The following FAM181A variants were observed in gnomAD, a reference collection of about 807,000 sequenced individuals.
The protein encoded by FAM181A is family with sequence similarity 181 member A, also known as protein FAM181A.
In FAM181A, 7 loss-of-function variants were observed where a neutral mutation model predicts 16.3. The ratio of observed to expected loss-of-function variants is 0.43; its 90% CI spans 0.24 to 0.81. The LOEUF is 0.81. FAM181A is among the 30% of genes least tolerant of loss of function. FAM181A has a pLI of 0.24. For missense variants in FAM181A, 349 were observed against 377.5 expected, an observed-to-expected ratio of 0.92 and a Z score of 0.63; for synonymous variants, 183 against 164.9, an observed-to-expected ratio of 1.11 and a Z score of -0.84.
rs1015560763 is a variant in FAM181A at position 93,921,679 on chromosome 14, G to A, written c.-225+2685G>A. Among the ~76,000 whole-genome samples, 3 of 152,176 alleles carry A rather than the reference G, an allele frequency of 2.0e-5. 1 individual carries two copies. The South Asian group carries it at 6.2e-4, about 32-fold the overall frequency. On this transcript the variant is annotated intron_variant, in intron 1 of 2. Transcript: ENST00000267594. ...CCGCGTGGCCTTTGTTATGTTCCCC[G>A]AGCTGGTGTGGTCGGTCGGGCCTAA...
In FAM181A at chr14:93,928,747, G is replaced by A. The variant is rs776709195; in HGVS notation, c.462G>A (p.Glu154=). Reference sequence around the variant, plus strand: ...CCCACAGCTACCATGTGGGGCTGGAGGGGGGACTGGGCCCCAGGGAGGGAC... The same window carrying A: ...CCCACAGCTACCATGTGGGGCTGGAAGGGGGACTGGGCCCCAGGGAGGGAC... ...RPTHSYHVGL[E]GGLGPREGPP... The change falls in exon 2 of 2, where the codon GAG becomes GAA. Residue 154 remains glutamate (E), a synonymous_variant. Transcript: ENST00000556222. 2 of 1,613,876 alleles carry A rather than the reference G, an allele frequency of 1.2e-6. No individual in the cohort carries two copies.
Position 93,928,891 on chromosome 14 carries a change from C to T in FAM181A, c.606C>T (p.Val202=). The change falls in exon 2 of 2, where the codon GTC becomes GTT. Residue 202 remains valine (V), a synonymous_variant. Coordinates refer to ENST00000556222, the MANE Select transcript of FAM181A (RefSeq NM_001207073.2). ...AEKEPLKMPG[V]SLVGRVNAWS... ...AGGAGCCGCTCAAGATGCCTGGGGT[C>T]TCCTTGGTGGGCCGCGTCAATGCCT... 2.5e-6 allele frequency: 4 copies of T among 1,614,182 alleles called. No homozygotes were observed. Among genetic ancestry groups the T allele is most frequent in the Non-Finnish European group, 3.4e-6 (4 of 1,180,022 alleles).
chr14:93,929,088 G>A lies in FAM181A; in HGVS notation c.803G>A (p.Arg268Lys). 6.5e-7 allele frequency: 1 copy of A among 1,549,492 alleles called. No homozygotes were observed. ...DVDGLGQKVC[R>K]PVVLKPIPTK... ...GACGGCCTGGGGCAGAAGGTGTGCA[G>A]GCCCGTGGTGCTGAAACCCATCCCC... Residue 268 changes from arginine to lysine, a missense_variant, in exon 2 of 2, where the codon AGG becomes AAG. Physicochemically the swap from Arg to Lys is conservative, Grantham distance 26 (BLOSUM62 2). Coordinates refer to ENST00000556222, the MANE Select transcript of FAM181A (RefSeq NM_001207073.2).
chr14:93,920,440 GAGGA>G (rs758284702), intron 1 of FAM181A, among the ~76,000 whole-genome samples: 55 of 150,998 alleles, frequency 3.6e-4, no homozygotes, highest in African/African-American at 1.0e-3. Context: ...GAAAGAGAGA[GAGGA>G]AGGAAGGAAG....
upstream of FAM181A, among the ~76,000 whole-genome samples, chr14:93,925,722 G>A (rs527414683): frequency 1.3e-5 from 2 of 151,806 alleles, no homozygotes; most frequent in African/African-American, 4.8e-5. Context: ...CTTCCATCTC[G>A]GTCCACACTT....
chr14:93,921,870 A>G (rs1239506290), intron 1 of FAM181A, among the ~76,000 whole-genome samples: 3 of 152,186 alleles, frequency 2.0e-5, no homozygotes, highest in African/African-American at 7.2e-5. Flanking sequence ...ACCTTCAGCA[A>G]GTCTCCTAGC....
upstream of FAM181A, among the ~76,000 whole-genome samples, chr14:93,924,819 A>G (rs182577474): frequency 1.3e-5 from 2 of 152,306 alleles, no homozygotes; most frequent in Non-Finnish European, 2.9e-5. Flanking sequence ...TCTGCTGGTT[A>G]ACAGCTGTGA....
rs565206801 is a variant in FAM181A at position 93,928,278 on chromosome 14, C to A, written c.-8C>A. The A allele has an allele frequency of 3.1e-6, 5 of 1,613,680 alleles. No homozygotes were observed. In the African/African-American group the frequency reaches 6.7e-5, roughly 22 times the overall value. On this transcript the variant is annotated 5_prime_UTR_variant, in exon 2 of 2. Coordinates refer to ENST00000556222, the MANE Select transcript of FAM181A (RefSeq NM_001207073.2). ...TCATGGAAAGCCTCGTGCAGTGGCC[C>A]CCTGGTGATGGCATCCGACAGTGAT...
chr14:93,922,174 G>A (rs1332852746), intron 1 of FAM181A: 2 of 152,176 alleles, frequency 1.3e-5, no homozygotes, highest in African/African-American at 4.8e-5. Context: ...TTCTGTAGAG[G>A]TGTGAAAATG....
intron 1 of FAM181A, 102 bp from the exon 2 acceptor site, chr14:93,928,097 G>C: frequency 6.6e-7 from 1 of 1,521,826 alleles, no homozygotes; most frequent in Non-Finnish European, 8.8e-7. Flanking sequence ...GGGCTGAGAG[G>C]TGCTGGGGTG....
Position 93,929,354 on chromosome 14 carries a change from G to C in FAM181A, c.*190G>C. 1 of 805,122 alleles carries C rather than the reference G, an allele frequency of 1.2e-6. No individual in the cohort carries two copies. Among genetic ancestry groups the C allele is most frequent in the Non-Finnish European group, 1.8e-6 (1 of 568,554 alleles). The allele number at this position is 805,122 out of a possible 1,614,324, so 49.9% of individuals were successfully genotyped here. A position where few individuals can be genotyped will look rare whatever the true frequency, so the allele number is the denominator to read the frequency against. On this transcript the variant is annotated 3_prime_UTR_variant, in exon 2 of 2. Transcript: ENST00000556222. ...CTTCAGCCTTGCAGCCTTGGAAGCTGGGAGGCTGGACCTGGTTGGCCCCTC... is the reference window on the plus strand; with the variant it reads ...CTTCAGCCTTGCAGCCTTGGAAGCTCGGAGGCTGGACCTGGTTGGCCCCTC...
upstream of FAM181A, chr14:93,926,771 C>G (rs1887919804): frequency 6.6e-6 from 1 of 152,270 alleles, no homozygotes; most frequent in South Asian, 2.1e-4. This position sits in a 1 kb window ranked among gnomAD's most constrained non-coding sequence, Gnocchi z 5.2. Context: ...CATCCCCGAT[C>G]CCTGGGGGAT....
rs769390399 is a variant in FAM181A, at chr14:93,928,982, C to G, written c.697C>G (p.Gln233Glu). The change falls in exon 2 of 2, where the codon CAG becomes GAG. Residue 233 changes from glutamine to glutamate, a missense_variant. Coordinates refer to ENST00000556222, the MANE Select transcript of FAM181A (RefSeq NM_001207073.2). The stretch of plus-strand genomic sequence containing the variant: ...TCCGGGCCCCCTGGGGGCACTGCCT[C>G]AGAGTCCTGTCCCCAGCCTGGGCCT... ...IYPGPLGALP[Q>E]SPVPSLGLWR... 19 of 1,613,530 alleles carry G rather than the reference C, an allele frequency of 1.2e-5. No individual in the cohort carries two copies. Among genetic ancestry groups the G allele is most frequent in the Non-Finnish European group, 1.6e-5 (19 of 1,179,812 alleles).
At chr14:93,924,850 A>G (rs1887842294), upstream of FAM181A, among the ~76,000 whole-genome samples, 1 of 151,994 alleles carries the variant, frequency 6.6e-6, no homozygotes, top group Non-Finnish European at 1.5e-5. Context: ...AAGTAACTCA[A>G]CCTCACTTCA....
At position 93,929,083 on chromosome 14, in the gene FAM181A, G is replaced by A. The variant is rs1340052886; in HGVS notation, c.798G>A (p.Val266=). Residue 266 remains valine, a synonymous_variant, in exon 2 of 2, where the codon GTG becomes GTA. Transcript: ENST00000556222. ...CKDVDGLGQK[V]CRPVVLKPIP... The stretch of plus-strand genomic sequence containing the variant: ...ATGTGGACGGCCTGGGGCAGAAGGT[G>A]TGCAGGCCCGTGGTGCTGAAACCCA... 1.3e-6 allele frequency: 2 copies of A among 1,557,002 alleles called. No individual in the cohort carries two copies. Among genetic ancestry groups the A allele is most frequent in the Non-Finnish European group, 1.7e-6 (2 of 1,151,178 alleles).
upstream of FAM181A, chr14:93,927,055 CA>C: frequency 5.9e-6 from 1 of 169,918 alleles, no homozygotes; most frequent in South Asian, 1.6e-4. Flanking sequence ...CACACACACA[CA>C]CACACCCCAC....
chr14:93,928,281 T>G lies in FAM181A; in HGVS notation c.-5T>G, dbSNP rs761247694. 12 of 1,613,702 alleles carry G rather than the reference T, an allele frequency of 7.4e-6. No individual in the cohort carries two copies. Among genetic ancestry groups the G allele is most frequent in the Non-Finnish European group, 1.0e-5 (12 of 1,180,008 alleles). Reference sequence around the variant, plus strand: ...TGGAAAGCCTCGTGCAGTGGCCCCCTGGTGATGGCATCCGACAGTGATGTG... The same window carrying G: ...TGGAAAGCCTCGTGCAGTGGCCCCCGGGTGATGGCATCCGACAGTGATGTG... On this transcript the variant is annotated 5_prime_UTR_variant, in exon 2 of 2. Transcript: ENST00000556222.
chr14:93,927,834 T>C (rs1287909044), intron 1 of FAM181A, among the ~76,000 whole-genome samples: 1 of 151,726 alleles, frequency 6.6e-6, no homozygotes, highest in East Asian at 2.0e-4. Flanking sequence ...AACACCTCGC[T>C]GGCAAGTTGC....
chr14:93,928,962 G>GC lies in FAM181A; in HGVS notation c.682dup (p.Leu228ProfsTer156). The GC allele has an allele frequency of 6.2e-7, 1 of 1,613,870 alleles. No individual in the cohort carries two copies. Among genetic ancestry groups the GC allele is most frequent in the Non-Finnish European group, 8.5e-7 (1 of 1,179,958 alleles). ...TACCATGGACAGCCCATCTATCCGG[G>GC]CCCCCTGGGGGCACTGCCTCAGAGT... On this transcript the variant is annotated frameshift_variant, in exon 2 of 2. Coordinates refer to ENST00000556222, the MANE Select transcript of FAM181A (RefSeq NM_001207073.2). LOFTEE classifies it high-confidence loss of function.
Sources: allele counts gnomAD v4.1 joint callset (sites outside exome capture counted in the v4.1 genomes callset), GRCh38; gene constraint gnomAD v4.1.1; non-coding constraint Gnocchi (gnomAD v3.1); transcripts MANE v1.5; gene names NCBI Gene and HGNC (gene_info 2026-07-23, HGNC 2026-07-21).